Variants in DET1 observed in about 807,000 individuals in gnomAD.
The protein encoded by DET1 is DET1 homolog.
Under a neutral mutation model 43.7 loss-of-function variants are expected in DET1, and 22 were observed. That is an observed-to-expected ratio of 0.50 (90% confidence interval 0.36 to 0.72). The LOEUF is 0.72. DET1 is among the 30% of genes least tolerant of loss of function. DET1 has a pLI of 0.00. For synonymous variants in DET1, 315 were observed against 266.2 expected (o/e 1.18, Z -1.79); for missense variants, 713 against 713.3 (o/e 1.00, Z 0.00).
At chr15:88,532,886 A>G (rs1015047315) in intron 1 of DET1, among the ~76,000 whole-genome samples, 2 of 152,234 alleles carry the variant, frequency 1.3e-5, no homozygotes, top group Non-Finnish European at 2.9e-5. Flanking sequence ...TCTGGCAGTG[A>G]TTTCTTGGAT....
chr15:88,544,458 G>T (rs1426126985), intron 1 of DET1, among the ~76,000 whole-genome samples: 3 of 152,118 alleles, frequency 2.0e-5, no homozygotes, highest in African/African-American at 7.2e-5. Flanking sequence ...ATTTATTACA[G>T]TACCTACAAT....
At position 88,531,739 on chromosome 15, in the gene DET1, G is replaced by T; in HGVS notation, c.-10-24C>A. On this transcript the variant is annotated intron_variant, in intron 1 of 4. Coordinates refer to ENST00000268148, the MANE Select transcript of DET1 (RefSeq NM_001144074.3). This position sits in a 1 kb window ranked among gnomAD's most constrained non-coding sequence, Gnocchi z 6.2. ...CTCTAAACAGAAAAGTAAAGCAGAA[G>T]TCAAGAAAGTGAAACAGAATTTACC... The T allele has an allele frequency of 6.4e-7, 1 of 1,567,474 alleles. No homozygotes were observed. Among genetic ancestry groups the T allele is most frequent in the Non-Finnish European group, 8.6e-7 (1 of 1,156,330 alleles).
intron 1 of DET1, among the ~76,000 whole-genome samples, chr15:88,544,544 G>C (rs1237913842): frequency 6.6e-6 from 1 of 152,052 alleles, no homozygotes; most frequent in Admixed American, 6.5e-5. Context: ...AACCAGACGG[G>C]GTCCTGCCAT....
intron 1 of DET1, among the ~76,000 whole-genome samples, chr15:88,538,915 G>A (rs983405488): frequency 6.6e-6 from 1 of 152,144 alleles, no homozygotes; most frequent in Non-Finnish European, 1.5e-5. Flanking sequence ...GCCCTGACGA[G>A]GGCATCCCTC....
chr15:88,510,142 A>G (rs1395017702), downstream of DET1, among the ~76,000 whole-genome samples: 1 of 152,230 alleles, frequency 6.6e-6, no homozygotes, highest in Non-Finnish European at 1.5e-5. Flanking sequence ...GGTAGTAAAG[A>G]GAGTGAGGTG....
chr15:88,531,542 A>C lies in DET1; in HGVS notation c.164T>G (p.Val55Gly). 6.2e-7 allele frequency: 1 copy of C among 1,614,030 alleles called. No homozygotes were observed. The highest frequency in any genetic ancestry group is 1.1e-5 in the South Asian group (1 of 91,072). Residue 55 changes from valine to glycine, a missense_variant, in exon 2 of 5, where the codon GTT becomes GGT. Val to Gly is a moderately radical substitution (Grantham distance 109). Coordinates refer to ENST00000268148, the MANE Select transcript of DET1 (RefSeq NM_001144074.3). This position sits in a 1 kb window ranked among gnomAD's most constrained non-coding sequence, Gnocchi z 6.2. ...NVFPNFTVVNVEKPPCFLRKF... is the reference protein window; with the variant it reads ...NVFPNFTVVNGEKPPCFLRKF... The stretch of plus-strand genomic sequence containing the variant: ...ACGCAAGAAACAAGGAGGCTTTTCA[A>C]CGTTGACAACTGTGAAGTTGGGGAA...
intron 3 of DET1, among the ~76,000 whole-genome samples, chr15:88,523,673 G>A (rs532371015): frequency 3.5e-4 from 54 of 152,352 alleles, no homozygotes; most frequent in African/African-American, 1.0e-3. Flanking sequence ...GCTCCTGACC[G>A]CGAGTGATCT....
At position 88,530,778 on chromosome 15, in the gene DET1, C is replaced by A; in HGVS notation, c.928G>T (p.Asp310Tyr). The A allele has an allele frequency of 1.9e-6, 3 of 1,613,974 alleles. No homozygotes were observed. Among genetic ancestry groups the A allele is most frequent in the Non-Finnish European group, 2.5e-6 (3 of 1,179,860 alleles). ...LVYLWRRAEQ[D>Y]GSAMAKRRFF... is the part of the protein sequence containing the mutation. The stretch of plus-strand genomic sequence containing the variant: ...CGCCTCTTGGCCATTGCACTACCAT[C>A]CTGTTCTGCCCGGCGCCACAAATAT... Residue 310 changes from aspartate to tyrosine, a missense_variant, in exon 2 of 5, where the codon GAT (aspartate) becomes TAT (tyrosine). Transcript: ENST00000268148.
intron 1 of DET1, chr15:88,546,279 G>A (rs1485852934): frequency 6.6e-6 from 1 of 152,542 alleles, no homozygotes; most frequent in Non-Finnish European, 1.5e-5. Flanking sequence ...CTGGGTCTCA[G>A]TTTCCCTATG....
At chr15:88,537,362 C>T (rs2056980071) in intron 1 of DET1, among the ~76,000 whole-genome samples, 1 of 152,146 alleles carries the variant, frequency 6.6e-6, no homozygotes, top group East Asian at 1.9e-4. Flanking sequence ...TCTCTCACCT[C>T]CTGGATTTTT....
chr15:88,529,092 C>T (rs534028479), intron 2 of DET1, among the ~76,000 whole-genome samples: 2 of 152,282 alleles, frequency 1.3e-5, no homozygotes, highest in East Asian at 1.9e-4. Context: ...TTAGCTACAA[C>T]TTATTGTACC....
chr15:88,521,029 T>C (rs2142276259), intron 3 of DET1, among the ~76,000 whole-genome samples: 1 of 152,276 alleles, frequency 6.6e-6, no homozygotes, highest in East Asian at 1.9e-4. Context: ...CATGACACAA[T>C]CTACCTCATC....
chr15:88,510,772 T>G (rs921636702), downstream of DET1, among the ~76,000 whole-genome samples: 7 of 113,168 alleles, frequency 6.2e-5, no homozygotes, highest in African/African-American at 2.2e-4. Context: ...TTTTTTTTTG[T>G]TTTTTTTTTT....
At position 88,531,734 on chromosome 15, in the gene DET1, C is replaced by T; in HGVS notation, c.-10-19G>A. On this transcript the variant is annotated intron_variant, in intron 1 of 4. Coordinates refer to ENST00000268148, the MANE Select transcript of DET1 (RefSeq NM_001144074.3). This position sits in a 1 kb window ranked among gnomAD's most constrained non-coding sequence, Gnocchi z 6.2. ...CACATCTCTAAACAGAAAAGTAAAG[C>T]AGAAGTCAAGAAAGTGAAACAGAAT... The T allele has an allele frequency of 6.3e-7, 1 of 1,575,196 alleles. No individual in the cohort carries two copies. The highest frequency in any genetic ancestry group is 8.6e-7 in the Non-Finnish European group (1 of 1,159,584).
chr15:88,542,639 G>T (rs182451208), intron 1 of DET1, among the ~76,000 whole-genome samples: 1 of 152,098 alleles, frequency 6.6e-6, no homozygotes, highest in African/African-American at 2.4e-5. Context: ...TTTGACAATC[G>T]AGAGTATGAA....
At chr15:88,519,577 G>C (rs896541953) in intron 3 of DET1, among the ~76,000 whole-genome samples, 2 of 152,050 alleles carry the variant, frequency 1.3e-5, no homozygotes, top group Non-Finnish European at 1.5e-5. Flanking sequence ...ATAATCCACT[G>C]ATTCTACCAA....
intron 1 of DET1, among the ~76,000 whole-genome samples, chr15:88,538,797 G>A (rs530428771): frequency 1.2e-4 from 18 of 152,284 alleles, no homozygotes; most frequent in Non-Finnish European, 2.5e-4. Flanking sequence ...AGAGTGGATC[G>A]ACTACCATGT....
intron 3 of DET1, among the ~76,000 whole-genome samples, chr15:88,522,720 A>G (rs149100344): frequency 0.021 from 3,212 of 151,520 alleles, 53 homozygotes; most frequent in Middle Eastern, 0.034. Context: ...GGGTTTCACC[A>G]TGGTAGCCAG....
chr15:88,546,115 C>T (rs1215044972), intron 1 of DET1: 7 of 152,308 alleles, frequency 4.6e-5, no homozygotes, highest in African/African-American at 1.7e-4. Flanking sequence ...TAATCAAGCC[C>T]CTTCCTCAGG....
Sources: gnomAD v4.1 joint callset for allele counts (sites outside exome capture counted in the v4.1 genomes callset) on GRCh38, gnomAD v4.1.1 for gene constraint, Gnocchi (gnomAD v3.1) non-coding constraint, MANE v1.5 for transcripts, NCBI Gene and HGNC (gene_info 2026-07-23, HGNC 2026-07-21) for gene names.